The following EGFR variants were observed in gnomAD, a reference collection of about 807,000 sequenced individuals.
The protein encoded by EGFR is avian erythroblastic leukemia viral (v-erb-b) oncogene homolog.
A neutral mutation model predicts 143.0 loss-of-function variants in EGFR; 58 were observed. That is an observed-to-expected ratio of 0.41 (90% CI 0.33 to 0.50). The LOEUF (loss-of-function observed/expected upper bound fraction) is 0.50. Ranked by LOEUF, EGFR falls within the 20% of genes least tolerant of loss-of-function variation. The pLI, the probability that EGFR is intolerant of heterozygous loss-of-function variation, is 0.39. For missense variants in EGFR, 1,307 were observed against 1,579.0 expected (o/e 0.83, Z 2.92); for synonymous variants, 613 against 594.4 (o/e 1.03, Z -0.45).
At chr7:55,188,270 T>C (rs1554718) in intron 20 of EGFR, among the ~76,000 whole-genome samples, 75,256 of 151,840 alleles carry the variant, frequency 0.5, 19,873 homozygotes, top group Middle Eastern at 0.64. Context: ...ATTTACAAAA[T>C]AGAACACAAA....
chr7:55,190,387 A>T (rs1787337766), intron 20 of EGFR, among the ~76,000 whole-genome samples: 1 of 152,116 alleles, frequency 6.6e-6, no homozygotes, highest in Admixed American at 6.5e-5. Flanking sequence ...GCGCCCAAAG[A>T]CTAATTCTGC....
intron 20 of EGFR, among the ~76,000 whole-genome samples, chr7:55,182,703 C>T (rs572932080): frequency 3.6e-4 from 55 of 152,308 alleles, no homozygotes; most frequent in Non-Finnish European, 5.6e-4. Flanking sequence ...ATTGATATCT[C>T]AGCTGCAGCC....
intron 1 of EGFR, among the ~76,000 whole-genome samples, chr7:55,021,280 T>A (rs1786552352): frequency 6.6e-6 from 1 of 152,210 alleles, no homozygotes; most frequent in Non-Finnish European, 1.5e-5. Context: ...CTCCGGAGAC[T>A]GCTGACTGCC....
In EGFR at chr7:55,156,744, T is replaced by A. The variant is rs2128938635; in HGVS notation, c.1134-15T>A. The A allele has an allele frequency of 6.2e-7, 1 of 1,614,166 alleles. No homozygotes were observed. The highest frequency in any genetic ancestry group is 8.5e-7 in the Non-Finnish European group (1 of 1,179,988). ...AGAGATTGGTGATCAATAATCACCCTGTTGTTTGTTTCAGTGACTCCTTCA... is the reference window on the plus strand; with the variant it reads ...AGAGATTGGTGATCAATAATCACCCAGTTGTTTGTTTCAGTGACTCCTTCA... On this transcript the variant is annotated splice_polypyrimidine_tract_variant and intron_variant, in intron 9 of 27. Transcript: ENST00000275493.
intron 1 of EGFR, among the ~76,000 whole-genome samples, chr7:55,129,940 C>T (rs575137651): frequency 6.6e-6 from 1 of 152,346 alleles, no homozygotes; most frequent in South Asian, 2.1e-4. Flanking sequence ...CACGCCTAGC[C>T]TGCCACCTGT....
At position 55,030,220 on chromosome 7, in the gene EGFR, C is replaced by G. The variant is rs370350894; in HGVS notation, c.88+10855C>G. 2.7e-4 allele frequency among the ~76,000 whole-genome samples: 41 copies of G among 152,314 alleles called. No individual in the cohort carries two copies. The East Asian group carries it at 3.3e-3, about 12-fold the overall frequency. The stretch of plus-strand genomic sequence containing the variant: ...TTCAAGACGTCATTGGGTTTTTTAG[C>G]TATGGATGCCCCATCACTTTTAGTT... On this transcript the variant is annotated intron_variant, in intron 1 of 27. Coordinates refer to ENST00000275493, the MANE Select transcript of EGFR (RefSeq NM_005228.5).
At chr7:55,090,322 G>T (rs1208379655) in intron 1 of EGFR, among the ~76,000 whole-genome samples, 2 of 152,024 alleles carry the variant, frequency 1.3e-5, no homozygotes, top group African/African-American at 2.4e-5. Context: ...TGATCTCCAG[G>T]GTACACAGCG....
chr7:55,176,690 G>A (rs1786603309), intron 19 of EGFR, among the ~76,000 whole-genome samples: 1 of 151,604 alleles, frequency 6.6e-6, no homozygotes, highest in South Asian at 2.1e-4. Context: ...TCCAGCCTGG[G>A]TGACAAAGCA....
chr7:55,061,573 A>G (rs1225879675), intron 1 of EGFR, among the ~76,000 whole-genome samples: 1 of 151,582 alleles, frequency 6.6e-6, no homozygotes, highest in Non-Finnish European at 1.5e-5. Flanking sequence ...GCTGTGTGAA[A>G]GGCAAAGTCT....
rs991271590 is a variant in EGFR, at chr7:55,106,676, G to A, written c.89-35610G>A. Among the ~76,000 whole-genome samples, 4 of 152,134 alleles carry A rather than the reference G, an allele frequency of 2.6e-5. No homozygotes were observed. The South Asian group carries it at 8.3e-4, about 31-fold the overall frequency. Reference sequence around the variant, plus strand: ...TCAAATTAATTATTTCATGCAAAAGGCTAGTCCTGACTCTAATTCTAAGAC... The same window carrying A: ...TCAAATTAATTATTTCATGCAAAAGACTAGTCCTGACTCTAATTCTAAGAC... On this transcript the variant is annotated intron_variant, in intron 1 of 27. Coordinates refer to ENST00000275493, the MANE Select transcript of EGFR (RefSeq NM_005228.5).
At chr7:55,181,602 C>A in intron 20 of EGFR, 124 bp downstream of exon 20, 1 of 1,130,418 alleles carries the variant, frequency 8.8e-7, no homozygotes, top group Non-Finnish European at 1.3e-6. Context: ...GCAGCACACA[C>A]ACATTCCTTT....
chr7:55,099,644 C>T (rs1235670356), intron 1 of EGFR, among the ~76,000 whole-genome samples: 1 of 152,172 alleles, frequency 6.6e-6, no homozygotes, highest in Non-Finnish European at 1.5e-5. Flanking sequence ...CAGCTGTGTC[C>T]ACCTGGGACT....
rs781514400 is a variant in EGFR at position 55,163,775 on chromosome 7, C to T, written c.1674C>T (p.Cys558=). The T allele has an allele frequency of 5.6e-5, 90 of 1,614,084 alleles. No homozygotes were observed. The highest frequency in any genetic ancestry group is 6.0e-5 in the Non-Finnish European group (71 of 1,180,048). ...TGGAGAACTCTGAGTGCATACAGTGCCACCCAGAGTGCCTGCCTCAGGCCA... is the reference window on the plus strand; with the variant it reads ...TGGAGAACTCTGAGTGCATACAGTGTCACCCAGAGTGCCTGCCTCAGGCCA... The part of the protein sequence containing the change: ...EFVENSECIQ[C]HPECLPQAMN... Residue 558 remains cysteine (C), a synonymous_variant, in exon 14 of 28, where the codon TGC becomes TGT. Coordinates refer to ENST00000275493, the MANE Select transcript of EGFR (RefSeq NM_005228.5).
rs866678715 is a variant in EGFR, at chr7:55,019,111, C to G, written c.-167C>G. ...GACGCGGCCGAGGCGGCCGGAGTCC[C>G]GAGCTAGCCCCGGCGGCCGCCGCCG... On this transcript the variant is annotated 5_prime_UTR_variant, in exon 1 of 28. Transcript: ENST00000275493. The G allele has an allele frequency of 3.2e-5, 12 of 376,758 alleles. No homozygotes were observed. The highest frequency in any genetic ancestry group is 2.4e-4 in the African/African-American group (11 of 46,452). 23.3% of individuals were successfully genotyped at this position (376,758 alleles called of 1,614,324 possible). A position where few individuals can be genotyped will look rare whatever the true frequency, so the allele number is the denominator to read the frequency against.
In EGFR at chr7:55,201,258, A is replaced by G. The variant is rs752859687; in HGVS notation, c.3017A>G (p.Asp1006Gly). 6.2e-7 allele frequency: 1 copy of G among 1,614,162 alleles called. No homozygotes were observed. The highest frequency in any genetic ancestry group is 1.1e-5 in the South Asian group (1 of 91,076). ...TACCGTGCCCTGATGGATGAAGAAG[A>G]CATGGACGACGTGGTGGATGCCGAC... ...NFYRALMDEE[D>G]MDDVVDADEY... The change falls in exon 25 of 28, where the codon GAC becomes GGC. Residue 1006 changes from aspartate (D) to glycine (G), a missense_variant. By Grantham distance (94) the Asp-to-Gly change is moderately conservative. Around this residue, in one of 7 missense-constraint regions of EGFR, gnomAD observed 313 missense variants for 312.3 expected, o/e 1.00. Coordinates refer to ENST00000275493, the MANE Select transcript of EGFR (RefSeq NM_005228.5).
intron 1 of EGFR, among the ~76,000 whole-genome samples, chr7:55,111,070 T>C (rs182755601): frequency 6.6e-6 from 1 of 152,270 alleles, no homozygotes; most frequent in East Asian, 1.9e-4. Context: ...ACCATAGAAA[T>C]TGGATTTGGA....
intron 20 of EGFR, among the ~76,000 whole-genome samples, chr7:55,183,124 TC>T (rs1366846568): frequency 1.3e-5 from 2 of 152,246 alleles, no homozygotes; most frequent in African/African-American, 4.8e-5. Flanking sequence ...TGGCTGCACC[TC>T]CCCATGTCAA....
At chr7:55,142,113 C>T (rs919839547) in intron 1 of EGFR, among the ~76,000 whole-genome samples, 173 bp from the exon 2 acceptor site, 4 of 152,208 alleles carry the variant, frequency 2.6e-5, no homozygotes, top group Non-Finnish European at 5.9e-5. Context: ...GTCACTAAAG[C>T]TCACTAAGTT....
At chr7:55,096,089 G>A (rs1486053312) in intron 1 of EGFR, among the ~76,000 whole-genome samples, 1 of 152,210 alleles carries the variant, frequency 6.6e-6, no homozygotes, top group Non-Finnish European at 1.5e-5. Flanking sequence ...GCTAGTTCAG[G>A]AGGAGTGAAA....
Sources: gnomAD v4.1 joint callset for allele counts (sites outside exome capture counted in the v4.1 genomes callset) on GRCh38, gnomAD v4.1.1 for gene constraint, gnomAD v4.1.1 regional missense constraint, MANE v1.5 for transcripts, NCBI Gene and HGNC (gene_info 2026-07-23, HGNC 2026-07-21) for gene names.